The following DISC1 variants were observed in gnomAD, a reference collection of about 807,000 sequenced individuals.
The protein encoded by DISC1 is disrupted in schizophrenia 1 protein.
Under a neutral mutation model 84.5 loss-of-function variants are expected in DISC1, and 57 were observed. The observed-to-expected ratio is 0.67, with a 90% CI of 0.55 to 0.84. DISC1 has a LOEUF of 0.84. Among genes scored for constraint, DISC1 ranks in the 40% least tolerant of loss-of-function variants. The probability of loss-of-function intolerance (pLI) is 0.00; values close to 1 mark genes in which losing one functional copy is unlikely to be tolerated. For missense variants in DISC1, 1,000 were observed against 1,057.8 expected (o/e 0.95, Z 0.76); for synonymous variants, 411 against 415.2 (o/e 0.99, Z 0.12).
intron 3 of DISC1, among the ~76,000 whole-genome samples, chr1:231,707,695 A>G (rs868190651): frequency 1.7e-4 from 25 of 148,480 alleles, no homozygotes; most frequent in African/African-American, 5.8e-4. Context: ...AAAGAAATGC[A>G]TTTTATGTTT....
At position 232,009,008 on chromosome 1, in the gene DISC1, C is replaced by G. The variant is rs1333268559; in HGVS notation, c.2266C>G (p.Leu756Val). The G allele has an allele frequency of 6.2e-7, 1 of 1,613,774 alleles. No homozygotes were observed. Among genetic ancestry groups the G allele is most frequent in the Non-Finnish European group, 8.5e-7 (1 of 1,179,856 alleles). Residue 756 changes from leucine to valine, a missense_variant, in exon 11 of 13, where the codon CTC (leucine) becomes GTC (valine). By Grantham distance (32) the Leu-to-Val change is conservative. Around this residue, in one of 3 missense-constraint regions of DISC1, gnomAD observed 397 missense variants for 377.5 expected, o/e 1.05. Coordinates refer to ENST00000439617, the MANE Select transcript of DISC1 (RefSeq NM_018662.3). The surrounding 1 kb of genome is among the most constrained non-coding windows in gnomAD (Gnocchi z 4.6). ...LKVLEEWKTHLIPSLHCAGGE... is the reference protein window; with the variant it reads ...LKVLEEWKTHVIPSLHCAGGE... ...GGTATTGGAAGAATGGAAGACTCAC[C>G]TCATCCCCTCTCTGCACTGTGCTGG...
chr1:231,738,435 G>C (rs2072809369), intron 3 of DISC1, among the ~76,000 whole-genome samples: 1 of 152,152 alleles, frequency 6.6e-6, no homozygotes, highest in African/African-American at 2.4e-5. Context: ...TTTCAGGAGT[G>C]TAGACCTTAC....
At chr1:231,725,850 C>T (rs942258639) in intron 3 of DISC1, among the ~76,000 whole-genome samples, 33 of 151,958 alleles carry the variant, frequency 2.2e-4, no homozygotes, top group Admixed American at 1.8e-3. Context: ...TGGCTGGTCT[C>T]GGGGGTGGTG....
chr1:232,022,148 G>A (rs1431471685), intron 11 of DISC1, among the ~76,000 whole-genome samples: 1 of 152,056 alleles, frequency 6.6e-6, no homozygotes, highest in Non-Finnish European at 1.5e-5. Flanking sequence ...GTTTTTTGAT[G>A]GTGGAGAGGC....
chr1:231,780,248 A>AG (rs987665565), intron 6 of DISC1, among the ~76,000 whole-genome samples: 4 of 151,300 alleles, frequency 2.6e-5, no homozygotes, highest in Admixed American at 6.6e-5. Context: ...AAAAAAAAAA[A>AG]AAAGAAAAGG....
intron 10 of DISC1, among the ~76,000 whole-genome samples, chr1:231,993,906 C>T (rs565036739): frequency 6.6e-6 from 1 of 152,266 alleles, no homozygotes; most frequent in African/African-American, 2.4e-5. Context: ...CCCTGGTATA[C>T]TACGGAGTGA....
chr1:231,785,248 TG>T (rs1346839171), intron 6 of DISC1, among the ~76,000 whole-genome samples: 6,717 of 86,558 alleles, frequency 0.078, 179 homozygotes, highest in Middle Eastern at 0.11. Flanking sequence ...TGTGTGTGTG[TG>T]TGTGTTATTT....
chr1:231,858,929 G>A (rs1019569363), intron 9 of DISC1, among the ~76,000 whole-genome samples: 3 of 152,134 alleles, frequency 2.0e-5, no homozygotes, highest in Non-Finnish European at 4.4e-5. Context: ...GAGGTATTCT[G>A]GAAAAGTCTG....
intron 10 of DISC1, among the ~76,000 whole-genome samples, chr1:231,998,722 T>C (rs1666279562): frequency 1.3e-5 from 2 of 152,192 alleles, no homozygotes; most frequent in Admixed American, 6.5e-5. Flanking sequence ...TTCAAGAAGA[T>C]GAAAAGTCTA....
At chr1:231,687,025 A>T (rs939783266) in intron 1 of DISC1, among the ~76,000 whole-genome samples, 1 of 152,308 alleles carries the variant, frequency 6.6e-6, no homozygotes, top group South Asian at 2.1e-4. Context: ...AGACCACCTC[A>T]GCCTGGACCT....
At chr1:231,750,178 G>A in intron 4 of DISC1, 102 bp downstream of exon 4, 1 of 1,493,020 alleles carries the variant, frequency 6.7e-7, no homozygotes, top group South Asian at 1.4e-5. Flanking sequence ...AGAGACCCTT[G>A]GCTGCCTTTC....
At chr1:232,026,762 CTTTTTTT>C (rs545455868) in intron 12 of DISC1, among the ~76,000 whole-genome samples, 70 of 110,856 alleles carry the variant, frequency 6.3e-4, no homozygotes, top group Admixed American at 1.2e-3. Flanking sequence ...TTTCTTTTTT[CTTTTTTT>C]TTTTTTTTTT....
At chr1:231,709,531 C>T (rs1213680107) in intron 3 of DISC1, among the ~76,000 whole-genome samples, 2 of 152,070 alleles carry the variant, frequency 1.3e-5, no homozygotes, top group African/African-American at 4.8e-5. Flanking sequence ...TGGGACCATG[C>T]TGCTTTGCCT....
At chr1:231,864,745 T>C (rs2084933681) in intron 9 of DISC1, among the ~76,000 whole-genome samples, 1 of 152,196 alleles carries the variant, frequency 6.6e-6, no homozygotes, top group African/African-American at 2.4e-5. Flanking sequence ...GATGACCGTT[T>C]AAAAAGAAAG....
chr1:231,689,223 G>T (rs890008442), intron 1 of DISC1, among the ~76,000 whole-genome samples: 2 of 152,036 alleles, frequency 1.3e-5, no homozygotes, highest in Admixed American at 6.6e-5. Flanking sequence ...TTGCTATTTG[G>T]TGCATTCCCT....
At chr1:231,722,678 T>C in intron 3 of DISC1, 3 of 1,606,042 alleles carry the variant, frequency 1.9e-6, no homozygotes, top group South Asian at 1.1e-5. Context: ...TTAGACATCA[T>C]GAAAAGAAAA....
At chr1:231,835,961 A>G (rs2082604035) in intron 9 of DISC1, among the ~76,000 whole-genome samples, 2 of 152,236 alleles carry the variant, frequency 1.3e-5, no homozygotes, top group African/African-American at 4.8e-5. Context: ...ATTAATATGC[A>G]TTGGACCTGG....
At chr1:231,760,231 A>G (rs1234930791) in intron 4 of DISC1, among the ~76,000 whole-genome samples, 2 of 152,234 alleles carry the variant, frequency 1.3e-5, no homozygotes, top group African/African-American at 2.4e-5. Flanking sequence ...GCAATTTTAC[A>G]ACATTCTTTT....
At chr1:231,793,190 A>T (rs2078481815) in intron 6 of DISC1, among the ~76,000 whole-genome samples, 1 of 152,196 alleles carries the variant, frequency 6.6e-6, no homozygotes, top group East Asian at 1.9e-4. Context: ...CTTAGCTCCG[A>T]TACTTGGCAA....
Sources: allele counts gnomAD v4.1 joint callset (sites outside exome capture counted in the v4.1 genomes callset), GRCh38; gene constraint gnomAD v4.1.1; regional missense constraint gnomAD v4.1.1; non-coding constraint Gnocchi (gnomAD v3.1); transcripts MANE v1.5; gene names NCBI Gene and HGNC (gene_info 2026-07-23, HGNC 2026-07-21).